SPOCK3: variants seen among roughly 807,000 people sequenced by gnomAD.
SPOCK3 encodes the protein SPARC (osteonectin), cwcv and kazal like domains proteoglycan 3, also known as testican-3.
Under a neutral mutation model 56.6 loss-of-function variants are expected in SPOCK3, and 30 were observed. The observed-to-expected ratio is 0.53, with a 90% confidence interval of 0.40 to 0.72. The LOEUF (loss-of-function observed/expected upper bound fraction) is 0.72, where lower values mean the gene tolerates loss of function less well. Ranked by LOEUF, SPOCK3 falls within the 30% of genes least tolerant of loss-of-function variation. The probability of loss-of-function intolerance (pLI) is 0.00; values close to 1 mark genes in which losing one functional copy is unlikely to be tolerated. For synonymous variants in SPOCK3, 196 were observed against 183.3 expected, an observed-to-expected ratio of 1.07 and a Z score of -0.56; for missense variants, 527 against 530.0, an observed-to-expected ratio of 0.99 and a Z score of 0.06.
intron 4 of SPOCK3, among the ~76,000 whole-genome samples, chr4:166,967,413 G>A (rs1342513324): frequency 6.6e-6 from 1 of 152,152 alleles, no homozygotes; most frequent in Non-Finnish European, 1.5e-5. Context: ...AATTCATAAT[G>A]TTGGGGGAGG....
At chr4:167,105,398 T>C (rs1460543494) in intron 2 of SPOCK3, among the ~76,000 whole-genome samples, 2 of 144,508 alleles carry the variant, frequency 1.4e-5, no homozygotes, top group Non-Finnish European at 3.0e-5. Context: ...TAATCATTTA[T>C]AATATAGTAA....
intron 4 of SPOCK3, among the ~76,000 whole-genome samples, chr4:166,967,744 G>A (rs1744898522): frequency 1.3e-5 from 2 of 152,172 alleles, no homozygotes. Context: ...AAAGGCATCT[G>A]GCAGTGCTAT....
At position 166,938,016 on chromosome 4, in the gene SPOCK3, C is replaced by A. The variant is rs369905723; in HGVS notation, c.351-25273G>T. Among the ~76,000 whole-genome samples, 203 of 150,982 alleles carry A rather than the reference C, an allele frequency of 1.3e-3. 1 individual carries two copies. Among genetic ancestry groups the A allele is most frequent in the African/African-American group, 4.3e-3 (177 of 41,100 alleles). On this transcript the variant is annotated intron_variant, in intron 4 of 10. Transcript: ENST00000357545. ...AAAGCTCTCAATCTCCTGACCACCT[C>A]GGCCTATCCACCCTATCTGCCCGCC... is the stretch of plus-strand genomic sequence containing the variant.
chr4:166,835,762 A>T (rs972209274), intron 6 of SPOCK3, among the ~76,000 whole-genome samples: 2 of 152,292 alleles, frequency 1.3e-5, no homozygotes, highest in African/African-American at 4.8e-5. Context: ...CACTTTGGGA[A>T]GCCGAGGTGG....
chr4:167,117,444 T>C (rs914222570), intron 2 of SPOCK3, among the ~76,000 whole-genome samples: 1 of 151,876 alleles, frequency 6.6e-6, no homozygotes, highest in Non-Finnish European at 1.5e-5. Context: ...TGCCCTAGAG[T>C]GCACAGAGCA....
intron 2 of SPOCK3, among the ~76,000 whole-genome samples, chr4:167,115,348 C>A (rs1208974237): frequency 6.7e-6 from 1 of 149,734 alleles, no homozygotes; most frequent in African/African-American, 2.4e-5. Context: ...AAGAATTAGT[C>A]AAGGAAGAAT....
At chr4:166,939,785 T>G (rs1195293978) in intron 4 of SPOCK3, among the ~76,000 whole-genome samples, 1 of 152,188 alleles carries the variant, frequency 6.6e-6, no homozygotes, top group Non-Finnish European at 1.5e-5. Flanking sequence ...TCACATTATC[T>G]TTTTGTTTAA....
Position 166,949,316 on chromosome 4 carries a change from G to A in SPOCK3, c.351-36573C>T, listed in dbSNP as rs569332129. Among the ~76,000 whole-genome samples, 10 of 152,150 alleles carry A rather than the reference G, an allele frequency of 6.6e-5. No homozygotes were observed. In the East Asian group the frequency reaches 1.2e-3, roughly 18 times the overall value. On this transcript the variant is annotated intron_variant, in intron 4 of 10. Coordinates refer to ENST00000357545, the MANE Select transcript of SPOCK3 (RefSeq NM_001040159.2). ...TCCTCCTGTAGCTTGTAGTTTGATC[G>A]TCTGAAGCCTTCTTCTCTCAACTCG...
intron 8 of SPOCK3, among the ~76,000 whole-genome samples, chr4:166,753,758 C>T (rs1736719206): frequency 1.3e-5 from 2 of 152,022 alleles, no homozygotes. Flanking sequence ...ATCAACATTA[C>T]ACTTACCATT....
At chr4:167,125,186 A>C (rs1211981234) in intron 2 of SPOCK3, among the ~76,000 whole-genome samples, 1 of 140,580 alleles carries the variant, frequency 7.1e-6, no homozygotes, top group Non-Finnish European at 1.5e-5. Context: ...ATGAGCACAG[A>C]GATTTTTTAT....
At chr4:166,998,403 T>C (rs1247630117) in intron 4 of SPOCK3, among the ~76,000 whole-genome samples, 2 of 152,162 alleles carry the variant, frequency 1.3e-5, no homozygotes, top group Non-Finnish European at 2.9e-5. Context: ...CTGATAGTCT[T>C]TATCATGTTA....
chr4:166,806,602 C>T (rs12500478), intron 6 of SPOCK3, among the ~76,000 whole-genome samples: 31,611 of 151,786 alleles, frequency 0.21, 4,043 homozygotes, highest in Non-Finnish European at 0.29. Context: ...ACTATTTGTC[C>T]TACATATATA....
At chr4:166,981,423 G>A (rs1283675570) in intron 4 of SPOCK3, among the ~76,000 whole-genome samples, 3 of 152,032 alleles carry the variant, frequency 2.0e-5, no homozygotes, top group Non-Finnish European at 2.9e-5. Context: ...GAGGGTAGGC[G>A]ACCTGGAGTG....
chr4:167,123,385 G>T (rs1441452466), intron 2 of SPOCK3, among the ~76,000 whole-genome samples: 3 of 152,162 alleles, frequency 2.0e-5, no homozygotes, highest in Non-Finnish European at 4.4e-5. Context: ...GAAGATGGTG[G>T]TGTGGCTTTC....
At chr4:167,221,594 G>A (rs561591215) in intron 2 of SPOCK3, among the ~76,000 whole-genome samples, 3 of 152,222 alleles carry the variant, frequency 2.0e-5, no homozygotes, top group Non-Finnish European at 4.4e-5. Context: ...ATTGTTAAAA[G>A]ATTTTACCAA....
chr4:167,012,222 G>A (rs1750150458), intron 3 of SPOCK3, among the ~76,000 whole-genome samples: 2 of 152,066 alleles, frequency 1.3e-5, no homozygotes, highest in South Asian at 4.1e-4. Context: ...CATTTAGAAT[G>A]AAGTTGTCAA....
At chr4:167,143,726 A>G (rs1168739066) in intron 2 of SPOCK3, among the ~76,000 whole-genome samples, 1 of 151,994 alleles carries the variant, frequency 6.6e-6, no homozygotes, top group Non-Finnish European at 1.5e-5. Context: ...TTCCAAATGG[A>G]AAACCCTGAG....
Position 167,121,369 on chromosome 4 carries a change from A to G in SPOCK3, c.190-58832T>C, listed in dbSNP as rs1226265285. 1.5e-4 allele frequency among the ~76,000 whole-genome samples: 23 copies of G among 152,056 alleles called. No homozygotes were observed. The East Asian group carries it at 4.1e-3, about 27-fold the overall frequency. ...GCCAGTTCTCATCTCTCTTCGTGTC[A>G]GCAATTCAATTGTATTTTCCCTTGA... is the stretch of plus-strand genomic sequence containing the variant. On this transcript the variant is annotated intron_variant, in intron 2 of 10. Transcript: ENST00000357545.
intron 2 of SPOCK3, among the ~76,000 whole-genome samples, chr4:167,088,855 C>A (rs1023105999): frequency 6.6e-6 from 1 of 152,100 alleles, no homozygotes; most frequent in Non-Finnish European, 1.5e-5. Context: ...GATGATGAAT[C>A]CTACCTTGTA....
Sources: allele counts gnomAD v4.1 joint callset (sites outside exome capture counted in the v4.1 genomes callset), GRCh38; gene constraint gnomAD v4.1.1; transcripts MANE v1.5; gene names NCBI Gene and HGNC (gene_info 2026-07-23, HGNC 2026-07-21).